Variants in SV2B observed in about 807,000 individuals in gnomAD.
SV2B encodes the protein solute carrier family 22 member B2.
A neutral mutation model predicts 73.9 loss-of-function variants in SV2B; 41 were observed. The observed-to-expected ratio is 0.56, with a 90% CI of 0.43 to 0.72. SV2B has a LOEUF of 0.72. Among genes scored for constraint, SV2B ranks in the 30% least tolerant of loss-of-function variants. The probability of loss-of-function intolerance (pLI) is 0.00; values close to 1 mark genes in which losing one functional copy is unlikely to be tolerated. For missense variants in SV2B, 764 were observed against 857.8 expected, an observed-to-expected ratio of 0.89 and a Z score of 1.37; for synonymous variants, 314 against 314.2, an observed-to-expected ratio of 1.00 and a Z score of 0.01.
At chr15:91,192,725 C>G (rs1238506989) in intron 1 of SV2B, among the ~76,000 whole-genome samples, 1 of 152,178 alleles carries the variant, frequency 6.6e-6, no homozygotes, top group Non-Finnish European at 1.5e-5. Context: ...GGAATTCACT[C>G]CAATTTTTCC....
At position 91,201,437 on chromosome 15, in the gene SV2B, C is replaced by T. The variant is rs114852112; in HGVS notation, c.-391-24436C>T. Among the ~76,000 whole-genome samples, 712 of 152,340 alleles carry T rather than the reference C, an allele frequency of 4.7e-3. 2 individuals carry two copies. Among genetic ancestry groups the T allele is most frequent in the African/African-American group, 0.017 (688 of 41,578 alleles). On this transcript the variant is annotated intron_variant, in intron 1 of 12. Transcript: ENST00000394232. ...GATGAAGCCCAGAGAAGTACAGTGTCTTTCCCAAGGTCACATAGTTAATAG... is the reference window on the plus strand; with the variant it reads ...GATGAAGCCCAGAGAAGTACAGTGTTTTTCCCAAGGTCACATAGTTAATAG...
chr15:91,276,711 T>A (rs989317870), intron 9 of SV2B, among the ~76,000 whole-genome samples: 1 of 151,670 alleles, frequency 6.6e-6, no homozygotes, highest in Non-Finnish European at 1.5e-5. Flanking sequence ...TGCTCATGCG[T>A]GTTAACCATT....
At position 91,292,656 on chromosome 15, in the gene SV2B, G is replaced by A. The variant is rs910808699; in HGVS notation, c.*104G>A. The A allele has an allele frequency of 2.9e-6, 4 of 1,380,402 alleles. No homozygotes were observed. Among genetic ancestry groups the A allele is most frequent in the African/African-American group, 2.9e-5 (2 of 68,124 alleles). 85.5% of individuals were successfully genotyped at this position (1,380,402 alleles called of 1,614,324 possible). A position where few individuals can be genotyped will look rare whatever the true frequency, so the allele number is the denominator to read the frequency against. Reference sequence around the variant, plus strand: ...GTCCGGAGGACACCTTGGATAGCACGGGAGGAGAAGTTGACTTTGTGACCC... The same window carrying A: ...GTCCGGAGGACACCTTGGATAGCACAGGAGGAGAAGTTGACTTTGTGACCC... On this transcript the variant is annotated 3_prime_UTR_variant, in exon 13 of 13. Transcript: ENST00000394232.
intron 1 of SV2B, among the ~76,000 whole-genome samples, chr15:91,131,651 G>GA (rs111276085): frequency 0.029 from 4,196 of 142,830 alleles, 92 homozygotes; most frequent in Non-Finnish European, 0.046. Context: ...CAAAAAATTT[G>GA]AAAAAAAAAA....
intron 1 of SV2B, among the ~76,000 whole-genome samples, chr15:91,166,901 C>T (rs1049959770): frequency 6.6e-6 from 1 of 151,542 alleles, no homozygotes; most frequent in Non-Finnish European, 1.5e-5. Context: ...GCAAGCTCCG[C>T]CTTCTGGGTT....
chr15:91,188,817 C>T (rs1016918058), intron 1 of SV2B, among the ~76,000 whole-genome samples: 2 of 151,864 alleles, frequency 1.3e-5, no homozygotes, highest in Non-Finnish European at 2.9e-5. Flanking sequence ...TATTTTCTCT[C>T]TTATTTTTAT....
rs1048706907 is a variant in SV2B, at chr15:91,231,666, G to A, written c.451+4952G>A. 5.9e-5 allele frequency among the ~76,000 whole-genome samples: 9 copies of A among 152,126 alleles called. No homozygotes were observed. The highest frequency in any genetic ancestry group is 2.2e-4 in the African/African-American group (9 of 41,420). ...AATAAGCACCTCAACCTGGAACTGT[G>A]GGCTATTCCCTACCTTCATGCCTAT... On this transcript the variant is annotated intron_variant, in intron 2 of 12. Coordinates refer to ENST00000394232, the MANE Select transcript of SV2B (RefSeq NM_001323032.3). The surrounding 1 kb of genome is among the most constrained non-coding windows in gnomAD (Gnocchi z 4.5).
rs1259034458 is a variant in SV2B at position 91,220,210 on chromosome 15, A to C, written c.-391-5663A>C. Among the ~76,000 whole-genome samples, 1 of 152,216 alleles carries C rather than the reference A, an allele frequency of 6.6e-6. No individual in the cohort carries two copies. Among genetic ancestry groups the C allele is most frequent in the Non-Finnish European group, 1.5e-5 (1 of 68,042 alleles). On this transcript the variant is annotated intron_variant, in intron 1 of 12. Coordinates refer to ENST00000394232, the MANE Select transcript of SV2B (RefSeq NM_001323032.3). This position sits in a 1 kb window ranked among gnomAD's most constrained non-coding sequence, Gnocchi z 4.1. ...CGAACTAGCTTCCAAAGGCTATTTTACATGCCCACTGTCAGTTTCTGAGGG... is the reference window on the plus strand; with the variant it reads ...CGAACTAGCTTCCAAAGGCTATTTTCCATGCCCACTGTCAGTTTCTGAGGG...
In SV2B at chr15:91,121,131, A is replaced by G; in HGVS notation, c.-392+20768A>G. On this transcript the variant is annotated intron_variant, in intron 1 of 12. Transcript: ENST00000394232. This position sits in a 1 kb window ranked among gnomAD's most constrained non-coding sequence, Gnocchi z 4.4. ...TGGTCTTATGTTAGTAACTCGTTTC[A>G]TTTTTTTTTCTCTTTGAAATAAAAA... Among the ~76,000 whole-genome samples the G allele has an allele frequency of 6.6e-6, 1 of 151,224 alleles. No individual in the cohort carries two copies. The highest frequency in any genetic ancestry group is 2.1e-4 in the South Asian group (1 of 4,752).
chr15:91,146,386 C>T (rs1471909177), intron 1 of SV2B, among the ~76,000 whole-genome samples: 1 of 152,100 alleles, frequency 6.6e-6, no homozygotes, highest in African/African-American at 2.4e-5. Context: ...AGCATGATGC[C>T]TGTGGCTTTG....
At chr15:91,134,336 C>T (rs566592766) in intron 1 of SV2B, among the ~76,000 whole-genome samples, 16 of 152,224 alleles carry the variant, frequency 1.1e-4, no homozygotes, top group African/African-American at 3.6e-4. Context: ...CTTCTTCTTT[C>T]CCAGGGACCT....
intron 1 of SV2B, among the ~76,000 whole-genome samples, chr15:91,202,534 A>G (rs1426972024): frequency 6.6e-6 from 1 of 152,238 alleles, no homozygotes; most frequent in Non-Finnish European, 1.5e-5. Flanking sequence ...TATCTGTAAA[A>G]TGAAGATAAT....
chr15:91,142,870 A>T (rs147961693), intron 1 of SV2B, among the ~76,000 whole-genome samples: 1 of 152,266 alleles, frequency 6.6e-6, no homozygotes, highest in African/African-American at 2.4e-5. Flanking sequence ...ATTTAATTCA[A>T]CAAGAAAATC....
At position 91,223,799 on chromosome 15, in the gene SV2B, G is replaced by T. The variant is rs2046291029; in HGVS notation, c.-391-2074G>T. On this transcript the variant is annotated intron_variant, in intron 1 of 12. Coordinates refer to ENST00000394232, the MANE Select transcript of SV2B (RefSeq NM_001323032.3). The surrounding 1 kb of genome is among the most constrained non-coding windows in gnomAD (Gnocchi z 4.6). ...ATGGTGAAAAATCGGAAAGAGTAGA[G>T]TGCGAATCATTTCTTAGTAAGTATT... 6.6e-6 allele frequency among the ~76,000 whole-genome samples: 1 copy of T among 152,210 alleles called. No homozygotes were observed. Among genetic ancestry groups the T allele is most frequent in the African/African-American group, 2.4e-5 (1 of 41,450 alleles).
chr15:91,228,667 C>T lies in SV2B; in HGVS notation c.451+1953C>T, dbSNP rs147948624. ...GGGCAAATGCTGGGAGTTGCGGGAA[C>T]ATGGTCTTAATCTGAGAGTCCAGGT... On this transcript the variant is annotated intron_variant, in intron 2 of 12. Transcript: ENST00000394232. Among the ~76,000 whole-genome samples the T allele has an allele frequency of 9.3e-4, 142 of 152,312 alleles. No individual in the cohort carries two copies. The Middle Eastern group carries it at 0.01, about 11-fold the overall frequency.
chr15:91,285,781 G>T (rs567758536), intron 11 of SV2B, among the ~76,000 whole-genome samples: 1 of 152,094 alleles, frequency 6.6e-6, no homozygotes, highest in Non-Finnish European at 1.5e-5. Flanking sequence ...AGGAAGTTCT[G>T]GGGGAGGCAG....
rs1442454225 is a variant in SV2B, at chr15:91,245,898, T to G, written c.452-5921T>G. 6.6e-6 allele frequency among the ~76,000 whole-genome samples: 1 copy of G among 152,038 alleles called. No individual in the cohort carries two copies. The highest frequency in any genetic ancestry group is 1.5e-5 in the Non-Finnish European group (1 of 67,988). On this transcript the variant is annotated intron_variant, in intron 2 of 12. Coordinates refer to ENST00000394232, the MANE Select transcript of SV2B (RefSeq NM_001323032.3). This position sits in a 1 kb window ranked among gnomAD's most constrained non-coding sequence, Gnocchi z 4.2. ...AGGGTTGTAAATTTAGGAATAATAA[T>G]ATGATGTGACAGAGACCATAGAAGA... is the stretch of plus-strand genomic sequence containing the variant.
chr15:91,218,481 G>T (rs1035670645), intron 1 of SV2B, among the ~76,000 whole-genome samples: 21 of 152,116 alleles, frequency 1.4e-4, no homozygotes, highest in Non-Finnish European at 2.6e-4. Context: ...GCCAAATTTT[G>T]GGGGAGTGTG....
intron 1 of SV2B, among the ~76,000 whole-genome samples, chr15:91,149,632 A>G (rs1197500154): frequency 6.6e-6 from 1 of 152,146 alleles, no homozygotes; most frequent in East Asian, 1.9e-4. Flanking sequence ...TTTGGCACTT[A>G]AAGGGAGGGC....
Sources: allele counts gnomAD v4.1 joint callset (sites outside exome capture counted in the v4.1 genomes callset), GRCh38; gene constraint gnomAD v4.1.1; non-coding constraint Gnocchi (gnomAD v3.1); transcripts MANE v1.5; gene names NCBI Gene and HGNC (gene_info 2026-07-23, HGNC 2026-07-21).